The following SPIDR variants were observed in gnomAD, a reference collection of about 807,000 sequenced individuals.
The protein encoded by SPIDR is DNA repair-scaffolding protein.
SPIDR carries 93 observed loss-of-function variants against 104.6 expected under a neutral mutation model. The observed-to-expected ratio is 0.89, with a 90% CI of 0.75 to 1.06. The LOEUF is 1.06. Among genes scored for constraint, SPIDR ranks in the 50% least tolerant of loss-of-function variants. The probability of loss-of-function intolerance (pLI) is 0.00; values close to 1 mark genes in which losing one functional copy is unlikely to be tolerated. For missense variants in SPIDR, 1,154 were observed against 1,111.2 expected (o/e 1.04, Z -0.55); for synonymous variants, 431 against 416.9 (o/e 1.03, Z -0.41).
At chr8:47,529,672 G>GA (rs1184035635) in intron 8 of SPIDR, among the ~76,000 whole-genome samples, 1 of 151,994 alleles carries the variant, frequency 6.6e-6, no homozygotes, top group Non-Finnish European at 1.5e-5. Context: ...ATAAGTGAAG[G>GA]AAAAAATGTA....
At chr8:47,421,251 C>G (rs139663142) in intron 7 of SPIDR, among the ~76,000 whole-genome samples, 3,768 of 152,350 alleles carry the variant, frequency 0.025, 65 homozygotes, top group Non-Finnish European at 0.037. Flanking sequence ...GTACACCAAT[C>G]AGACGTAGAT....
Position 47,735,467 on chromosome 8 carries a change from T to G in SPIDR, c.*17T>G, listed in dbSNP as rs2086151934. The G allele has an allele frequency of 1.2e-6, 2 of 1,613,972 alleles. No homozygotes were observed. Among genetic ancestry groups the G allele is most frequent in the Admixed American group, 1.7e-5 (1 of 59,994 alleles). On this transcript the variant is annotated 3_prime_UTR_variant, in exon 20 of 20. Transcript: ENST00000297423. The stretch of plus-strand genomic sequence containing the variant: ...GAACACTAGCGGTTGCCGCAGGATC[T>G]GTGAACTTTGCAATGTGGCTGCAAG...
intron 8 of SPIDR, among the ~76,000 whole-genome samples, chr8:47,496,281 G>GA (rs1182845832): frequency 1.3e-5 from 2 of 152,128 alleles, no homozygotes; most frequent in Non-Finnish European, 2.9e-5. Context: ...ATCTTAGGGG[G>GA]AAAGTGTTCA....
intron 5 of SPIDR, among the ~76,000 whole-genome samples, chr8:47,342,727 T>G (rs2051033078): frequency 6.6e-6 from 1 of 152,140 alleles, no homozygotes; most frequent in Non-Finnish European, 1.5e-5. Context: ...TCGACGCTGG[T>G]GTTTAAATAT....
chr8:47,423,463 G>A (rs968391831), intron 7 of SPIDR, among the ~76,000 whole-genome samples: 1 of 152,050 alleles, frequency 6.6e-6, no homozygotes, highest in Non-Finnish European at 1.5e-5. Flanking sequence ...CTAGCCAGGT[G>A]TGGTGGTTCA....
chr8:47,488,846 G>A (rs1358315046), intron 8 of SPIDR, among the ~76,000 whole-genome samples: 9 of 152,206 alleles, frequency 5.9e-5, no homozygotes, highest in Middle Eastern at 3.4e-3. Flanking sequence ...TTGATGGGAC[G>A]TATCTCAAAA....
chr8:47,311,062 T>C (rs1350734572), intron 5 of SPIDR, among the ~76,000 whole-genome samples: 4 of 152,168 alleles, frequency 2.6e-5, no homozygotes, highest in African/African-American at 4.8e-5. Flanking sequence ...CTTAAGGTTA[T>C]ATAAAGAAAA....
At position 47,383,723 on chromosome 8, in the gene SPIDR, A is replaced by G. The variant is rs569422269; in HGVS notation, c.526-12653A>G. 3.9e-5 allele frequency among the ~76,000 whole-genome samples: 6 copies of G among 152,314 alleles called. No homozygotes were observed. In the East Asian group the frequency reaches 1.2e-3, roughly 29 times the overall value. On this transcript the variant is annotated intron_variant, in intron 5 of 19. Coordinates refer to ENST00000297423, the MANE Select transcript of SPIDR (RefSeq NM_001080394.4). ...AAGAGGACCTGTGTGCTCTCTTTCT[A>G]TACATCCACCTGCAGGCACACACTT...
rs141685704 is a variant in SPIDR at position 47,702,024 on chromosome 8, CTCTCTCAA to C, written c.1977+25_1977+32del. 8.0e-4 allele frequency: 1,284 copies of C among 1,599,638 alleles called. 5 individuals carry two copies. In the African/African-American group the frequency reaches 9.6e-3, roughly 12 times the overall value. On this transcript the variant is annotated intron_variant, in intron 14 of 19. Coordinates refer to ENST00000297423, the MANE Select transcript of SPIDR (RefSeq NM_001080394.4). Reference sequence around the variant, plus strand: ...TTTACCAAAAACCACAGGTAATAATCTCTCTCAATCTCTCAATCTCTCAGCCTTTCTCT... The same window carrying C: ...TTTACCAAAAACCACAGGTAATAATCTCTCTCAATCTCTCAGCCTTTCTCT...
chr8:47,408,940 C>A (rs1251061416), intron 7 of SPIDR, among the ~76,000 whole-genome samples: 2 of 152,224 alleles, frequency 1.3e-5, no homozygotes, highest in Non-Finnish European at 2.9e-5. Context: ...GTAATCCCAG[C>A]ACTTTAGGAG....
chr8:47,279,989 A>G lies in SPIDR; in HGVS notation c.161A>G (p.Glu54Gly). 6.2e-7 allele frequency: 1 copy of G among 1,614,062 alleles called. No individual in the cohort carries two copies. Among genetic ancestry groups the G allele is most frequent in the Non-Finnish European group, 8.5e-7 (1 of 1,179,984 alleles). Reference sequence around the variant, plus strand: ...TCTGAAGCATGGCTCAGGTGTGGAGAAGGGTTTCAGAACACTTCTGGGAAT... The same window carrying G: ...TCTGAAGCATGGCTCAGGTGTGGAGGAGGGTTTCAGAACACTTCTGGGAAT... ...SLSEAWLRCG[E>G]GFQNTSGNPS... is the part of the protein sequence containing the mutation. The change falls in exon 2 of 20, where the codon GAA becomes GGA. Residue 54 changes from glutamate (E) to glycine (G), a missense_variant. Glu to Gly is a moderately conservative substitution (Grantham distance 98). Transcript: ENST00000297423.
At chr8:47,318,403 TAAAAG>T (rs1299868289) in intron 5 of SPIDR, among the ~76,000 whole-genome samples, 9 of 150,288 alleles carry the variant, frequency 6.0e-5, no homozygotes, top group African/African-American at 1.7e-4. Context: ...AAAAAAGAAT[TAAAAG>T]AAACGAACAA....
chr8:47,566,207 T>C (rs1445817398), intron 8 of SPIDR, among the ~76,000 whole-genome samples: 1 of 151,276 alleles, frequency 6.6e-6, no homozygotes, highest in Middle Eastern at 3.4e-3. Flanking sequence ...GGTTTCTCCA[T>C]GTTGGTCAGG....
chr8:47,264,450 G>A (rs1415045175), intron 1 of SPIDR, among the ~76,000 whole-genome samples: 1 of 151,914 alleles, frequency 6.6e-6, no homozygotes, highest in African/African-American at 2.4e-5. Context: ...CAAAGGCTGG[G>A]GTATCTTAGT....
At chr8:47,425,004 T>C (rs972932438) in intron 7 of SPIDR, among the ~76,000 whole-genome samples, 2 of 152,242 alleles carry the variant, frequency 1.3e-5, no homozygotes. Flanking sequence ...CAAGATACTT[T>C]ATTTTTGAAA....
intron 5 of SPIDR, among the ~76,000 whole-genome samples, chr8:47,367,502 G>T (rs1309794646): frequency 6.6e-6 from 1 of 152,146 alleles, no homozygotes; most frequent in Non-Finnish European, 1.5e-5. Flanking sequence ...CTAAGTTTGC[G>T]GTAATTTGTT....
intron 8 of SPIDR, among the ~76,000 whole-genome samples, chr8:47,497,028 C>T (rs1165763061): frequency 6.6e-6 from 1 of 151,908 alleles, no homozygotes; most frequent in Non-Finnish European, 1.5e-5. Context: ...TATAGAATCC[C>T]TTTGCTTTCT....
chr8:47,541,490 T>C (rs1248717341), intron 8 of SPIDR, among the ~76,000 whole-genome samples: 1 of 152,364 alleles, frequency 6.6e-6, no homozygotes, highest in South Asian at 2.1e-4. Flanking sequence ...TTTTCCTTTA[T>C]GTTAATGCTA....
intron 5 of SPIDR, among the ~76,000 whole-genome samples, chr8:47,378,823 T>G (rs899144112): frequency 1.3e-5 from 2 of 152,366 alleles, no homozygotes; most frequent in South Asian, 2.1e-4. Flanking sequence ...ACCTTGGATC[T>G]TGAAGGGGGC....
Sources: gnomAD v4.1 joint callset for allele counts (sites outside exome capture counted in the v4.1 genomes callset) on GRCh38, gnomAD v4.1.1 for gene constraint, MANE v1.5 for transcripts, NCBI Gene and HGNC (gene_info 2026-07-23, HGNC 2026-07-21) for gene names.